Variants in ZNF287 observed in about 807,000 individuals in gnomAD.
ZNF287 encodes zinc finger protein 287.
In ZNF287, 31 loss-of-function variants were observed where a neutral mutation model predicts 73.7. The ratio of observed to expected loss-of-function variants is 0.42; its 90% CI spans 0.32 to 0.57. The LOEUF (loss-of-function observed/expected upper bound fraction) is 0.57, where lower values mean the gene tolerates loss of function less well. Ranked by LOEUF, ZNF287 falls within the 20% of genes least tolerant of loss-of-function variation. The pLI is 0.13. For missense variants in ZNF287, 641 were observed against 909.3 expected, an observed-to-expected ratio of 0.70 and a Z score of 3.79; for synonymous variants, 301 against 307.2, an observed-to-expected ratio of 0.98 and a Z score of 0.21.
In ZNF287 at chr17:16,549,571, G is replaced by A. The variant is rs996507648; in HGVS notation, c.*2285C>T. ...GTGCAGGATGATACTATGAAATCAA[G>A]GTTAACTAATGTAAGGGAAATGGAA... On this transcript the variant is annotated 3_prime_UTR_variant, in exon 6 of 6. Transcript: ENST00000395825. Among the ~76,000 whole-genome samples the A allele has an allele frequency of 6.6e-6, 1 of 152,144 alleles. No individual in the cohort carries two copies. Among genetic ancestry groups the A allele is most frequent in the African/African-American group, 2.4e-5 (1 of 41,408 alleles).
intron 5 of ZNF287, among the ~76,000 whole-genome samples, chr17:16,562,386 T>C (rs941480075): frequency 6.6e-6 from 1 of 152,230 alleles, no homozygotes; most frequent in Non-Finnish European, 1.5e-5. Flanking sequence ...TATTTTTATA[T>C]TGACTTTATA....
chr17:16,563,778 G>A lies in ZNF287; in HGVS notation c.549C>T (p.Asp183=), dbSNP rs751627450. 1.4e-5 allele frequency: 23 copies of A among 1,613,818 alleles called. No individual in the cohort carries two copies. The highest frequency in any genetic ancestry group is 2.7e-5 in the African/African-American group (2 of 74,898). Reference sequence around the variant, plus strand: ...TCTGCACAGGACGCATTAACTCCCAGTCCTCCTGGGTGATGTCTACAGCCA... The same window carrying A: ...TCTGCACAGGACGCATTAACTCCCAATCCTCCTGGGTGATGTCTACAGCCA... ...KDVAVDITQE[D]WELMRPVQKE... Residue 183 remains aspartate (D), a synonymous_variant, in exon 4 of 6, where the codon GAC becomes GAT. Coordinates refer to ENST00000395825, the MANE Select transcript of ZNF287 (RefSeq NM_020653.4).
intron 3 of ZNF287, among the ~76,000 whole-genome samples, chr17:16,564,598 T>C (rs1244829427): frequency 6.6e-6 from 1 of 152,230 alleles, no homozygotes; most frequent in East Asian, 1.9e-4. Flanking sequence ...ATTAAAATGT[T>C]AAGATATTTT....
At position 16,563,226 on chromosome 17, in the gene ZNF287, G is replaced by T; in HGVS notation, c.635C>A (p.Thr212Lys). 6.2e-7 allele frequency: 1 copy of T among 1,607,250 alleles called. No individual in the cohort carries two copies. Among genetic ancestry groups the T allele is most frequent in the Non-Finnish European group, 8.5e-7 (1 of 1,177,192 alleles). Reference sequence around the variant, plus strand: ...GGGAATCACAGTTGGTCTGTACACTGTAAGTCCTGTTCAGGAGGAATATAA... The same window carrying T: ...GGGAATCACAGTTGGTCTGTACACTTTAAGTCCTGTTCAGGAGGAATATAA... ...NYWNMVSLGL[T>K]VYRPTVIPIL... The change falls in exon 5 of 6, where the codon ACA (threonine) becomes AAA (lysine). Residue 212 changes from threonine (T) to lysine (K), a missense_variant. By Grantham distance (78) the Thr-to-Lys change is moderately conservative (BLOSUM62 -1). This residue lies in a region of ZNF287 where 357 missense variants were observed against 442.4 expected (regional missense o/e 0.81). Coordinates refer to ENST00000395825, the MANE Select transcript of ZNF287 (RefSeq NM_020653.4).
chr17:16,563,303 C>A (rs1597472513), intron 4 of ZNF287, 71 bp from the exon 5 acceptor site: 6 of 1,127,540 alleles, frequency 5.3e-6, no homozygotes, highest in African/African-American at 3.1e-5. Flanking sequence ...TACCAGACTT[C>A]TACCTATCTG....
chr17:16,552,128 C>T lies in ZNF287; in HGVS notation c.2014G>A (p.Gly672Arg). 6.2e-7 allele frequency: 1 copy of T among 1,614,002 alleles called. No homozygotes were observed. Among genetic ancestry groups the T allele is most frequent in the Non-Finnish European group, 8.5e-7 (1 of 1,179,950 alleles). Residue 672 changes from glycine to arginine, a missense_variant, in exon 6 of 6, where the codon GGA becomes AGA. Gly to Arg is a moderately radical substitution (Grantham distance 125, BLOSUM62 -2). Coordinates refer to ENST00000395825, the MANE Select transcript of ZNF287 (RefSeq NM_020653.4). The surrounding 1 kb of genome is among the most constrained non-coding windows in gnomAD (Gnocchi z 6.5). ...TCATTACATTTATAGGGTTTTTCTC[C>T]AGTATGAATCCTTTGATGCTGAGTA... is the stretch of plus-strand genomic sequence containing the variant. ...NLTQHQRIHT[G>R]EKPYKCNECG...
intron 5 of ZNF287, among the ~76,000 whole-genome samples, chr17:16,556,158 A>G (rs1445280186): frequency 6.6e-6 from 1 of 150,710 alleles, no homozygotes; most frequent in African/African-American, 2.5e-5. Context: ...TGTTACAGAC[A>G]GACACAGACA....
At chr17:16,560,500 C>T (rs1907370211) in intron 5 of ZNF287, among the ~76,000 whole-genome samples, 1 of 151,358 alleles carries the variant, frequency 6.6e-6, no homozygotes, top group Non-Finnish European at 1.5e-5. Context: ...CAGGCACCCA[C>T]CACCACGCCC....
chr17:16,560,436 G>C (rs1286553155), intron 5 of ZNF287, among the ~76,000 whole-genome samples: 1 of 149,330 alleles, frequency 6.7e-6, no homozygotes, highest in African/African-American at 2.5e-5. Flanking sequence ...TGCAACCCCC[G>C]CCTCCCGGGT....
At chr17:16,566,656 G>A (rs549228031) in intron 2 of ZNF287, 34 bp from the exon 3 acceptor site, 1 of 1,530,676 alleles carries the variant, frequency 6.5e-7, no homozygotes, top group East Asian at 2.3e-5. Context: ...AGGGAGATTA[G>A]TCCTTTCTGA....
At chr17:16,563,649 A>G (rs1907576496) in intron 4 of ZNF287, 50 bp downstream of exon 4, 1 of 1,573,802 alleles carries the variant, frequency 6.4e-7, no homozygotes, top group African/African-American at 1.4e-5. Flanking sequence ...GGACCAACCC[A>G]TTTTTAATGG....
chr17:16,566,492 C>T, intron 3 of ZNF287, 33 bp downstream of exon 3: 2 of 1,577,894 alleles, frequency 1.3e-6, no homozygotes, highest in South Asian at 2.3e-5. Flanking sequence ...ACTAAGAAGG[C>T]ATTTTAAAAT....
intron 5 of ZNF287, among the ~76,000 whole-genome samples, chr17:16,555,158 A>T (rs1478265709): frequency 6.6e-6 from 1 of 152,112 alleles, no homozygotes. Context: ...GAGTATACTT[A>T]TATGAACCTA....
In ZNF287 at chr17:16,547,587, G is replaced by A. The variant is rs1013093115; in HGVS notation, c.*4269C>T. On this transcript the variant is annotated 3_prime_UTR_variant, in exon 6 of 6. Transcript: ENST00000395825. ...TAACTGATGGCATGAGTGAAGAGTT[G>A]TCTTTATGAAAACCAACTTGAATGG... 7.9e-5 allele frequency among the ~76,000 whole-genome samples: 12 copies of A among 152,218 alleles called. No homozygotes were observed. The highest frequency in any genetic ancestry group is 2.9e-4 in the African/African-American group (12 of 41,454).
chr17:16,564,840 T>C (rs1201780172), intron 3 of ZNF287, among the ~76,000 whole-genome samples: 1 of 151,844 alleles, frequency 6.6e-6, no homozygotes, highest in Non-Finnish European at 1.5e-5. Flanking sequence ...TGCAGTGGCC[T>C]CCTGAGTAGC....
At position 16,547,750 on chromosome 17, in the gene ZNF287, A is replaced by G. The variant is rs1169639257; in HGVS notation, c.*4106T>C. Among the ~76,000 whole-genome samples the G allele has an allele frequency of 6.6e-6, 1 of 152,216 alleles. No homozygotes were observed. Among genetic ancestry groups the G allele is most frequent in the African/African-American group, 2.4e-5 (1 of 41,458 alleles). On this transcript the variant is annotated 3_prime_UTR_variant, in exon 6 of 6. Transcript: ENST00000395825. ...TCATTCCAGGCCTGGGGCATTGAAA[A>G]TGCAAGGCCAACTTGAGATATCTTG...
rs147165015 is a variant in ZNF287 at position 16,552,161 on chromosome 17, C to T, written c.1981G>A (p.Ala661Thr). The T allele has an allele frequency of 1.2e-4, 192 of 1,613,696 alleles. 2 individuals are homozygous for T. Among genetic ancestry groups the T allele is most frequent in the South Asian group, 9.9e-4 (90 of 91,074 alleles). ...NICGKAYRQG[A>T]NLTQHQRIHT... ...ATCCTTTGATGCTGAGTAAGATTTG[C>T]GCCTTGTCTATATGCTTTCCCACAT... The change falls in exon 6 of 6, where the codon GCA (alanine) becomes ACA (threonine). Residue 661 changes from alanine to threonine, a missense_variant. This residue lies in a region of ZNF287 where 284 missense variants were observed against 466.8 expected (regional missense o/e 0.61). Transcript: ENST00000395825. This position sits in a 1 kb window ranked among gnomAD's most constrained non-coding sequence, Gnocchi z 6.5.
chr17:16,548,408 G>A lies in ZNF287; in HGVS notation c.*3448C>T, dbSNP rs1207140955. Among the ~76,000 whole-genome samples the A allele has an allele frequency of 6.6e-6, 1 of 152,094 alleles. No individual in the cohort carries two copies. The highest frequency in any genetic ancestry group is 1.5e-5 in the Non-Finnish European group (1 of 68,028). On this transcript the variant is annotated 3_prime_UTR_variant, in exon 6 of 6. Transcript: ENST00000395825. ...CCTTTTGCCCTAACTTCTAATTTAT[G>A]GAAACTACAGGGGGTACCGGAACAA...
chr17:16,566,665 G>A (rs1428663911), intron 2 of ZNF287, 43 bp from the exon 3 acceptor site: 4 of 1,461,878 alleles, frequency 2.7e-6, no homozygotes, highest in Admixed American at 1.9e-5. Context: ...AGTCCTTTCT[G>A]AATAGCCTAG....
Sources: gnomAD v4.1 joint callset for allele counts (sites outside exome capture counted in the v4.1 genomes callset) on GRCh38, gnomAD v4.1.1 for gene constraint, gnomAD v4.1.1 regional missense constraint, Gnocchi (gnomAD v3.1) non-coding constraint, MANE v1.5 for transcripts, NCBI Gene and HGNC (gene_info 2026-07-23, HGNC 2026-07-21) for gene names.